Variants in PRELID2 observed in about 807,000 individuals in gnomAD.
The protein encoded by PRELID2 is PRELI domain-containing protein 2.
A neutral mutation model predicts 28.4 loss-of-function variants in PRELID2; 25 were observed. That is an observed-to-expected ratio of 0.88 (90% CI 0.64 to 1.23). PRELID2 has a LOEUF of 1.23. Ranked by LOEUF, PRELID2 falls within the 50% of genes most tolerant of loss-of-function variation. PRELID2 has a pLI of 0.00. For missense variants in PRELID2, 201 were observed against 214.4 expected (o/e 0.94, Z 0.39); for synonymous variants, 76 against 71.6 (o/e 1.06, Z -0.31).
At chr5:145,297,988 G>T in the PRELID2 span, among the ~76,000 whole-genome samples, 2 of 152,100 alleles carry the variant, frequency 1.3e-5, no homozygotes, top group Non-Finnish European at 2.9e-5. Flanking sequence ...ACAAATGGAA[G>T]AACATTCCAT....
Position 145,835,194 on chromosome 5 carries a change from C to A in PRELID2, c.58G>T (p.Ala20Ser). The A allele has an allele frequency of 6.5e-7, 1 of 1,549,524 alleles. No individual in the cohort carries two copies. The highest frequency in any genetic ancestry group is 8.7e-7 in the Non-Finnish European group (1 of 1,145,762). ...VYKYPFEQVV[A>S]SFLRKYPNPM... ...GGCGGTACCTTTCGGAGAAAGCTGG[C>A]GACCACCTGCTCGAAGGGGTACTTG... is the stretch of plus-strand genomic sequence containing the variant. Residue 20 changes from alanine to serine, a missense_variant, in exon 1 of 7, where the codon GCC (alanine) becomes TCC (serine). By Grantham distance (99) the Ala-to-Ser change is moderately conservative. Transcript: ENST00000683046.
the PRELID2 span, among the ~76,000 whole-genome samples, chr5:145,355,881 C>T: frequency 6.6e-6 from 1 of 152,082 alleles, no homozygotes; most frequent in African/African-American, 2.4e-5. Flanking sequence ...CACAAGCCTA[C>T]ATAGTAGGCA....
the PRELID2 span, among the ~76,000 whole-genome samples, chr5:145,297,494 A>C: frequency 6.6e-6 from 1 of 152,072 alleles, no homozygotes; most frequent in Non-Finnish European, 1.5e-5. Context: ...ATCTATGACA[A>C]ACCCACAGCC....
chr5:145,582,483 C>G (rs897549650), intron 1 of PRELID2, among the ~76,000 whole-genome samples: 1 of 151,912 alleles, frequency 6.6e-6, no homozygotes, highest in Non-Finnish European at 1.5e-5. Context: ...CCTACCAGAC[C>G]CCTCCCCCAA....
the PRELID2 span, among the ~76,000 whole-genome samples, chr5:145,299,131 G>A: frequency 6.6e-6 from 1 of 152,016 alleles, no homozygotes; most frequent in Non-Finnish European, 1.5e-5. Flanking sequence ...AACCCATTTT[G>A]TTATACCTGT....
chr5:145,672,394 GT>G lies in PRELID2; in HGVS notation n.70+92536del, dbSNP rs1439427198. Among the ~76,000 whole-genome samples the G allele has an allele frequency of 2.0e-5, 3 of 151,800 alleles. No homozygotes were observed. In the Admixed American group the frequency reaches 2.0e-4, roughly 10 times the overall value. ...TGGGAATCAACAGTCCCCATTACCA[GT>G]GCCGGCATTCGCAAAAAGGATCCCA... is the stretch of plus-strand genomic sequence containing the variant. On this transcript the variant is annotated intron_variant and non_coding_transcript_variant, in intron 1 of 2. Coordinates refer to the PRELID2 transcript ENST00000510259.
At chr5:145,506,161 C>A (rs1752408616) in intron 1 of PRELID2, among the ~76,000 whole-genome samples, 1 of 152,288 alleles carries the variant, frequency 6.6e-6, no homozygotes, top group Admixed American at 6.5e-5. Context: ...TATTGACCCA[C>A]AAGAGCCTGT....
At chr5:145,626,766 A>C (rs1753851310) in intron 1 of PRELID2, among the ~76,000 whole-genome samples, 1 of 152,190 alleles carries the variant, frequency 6.6e-6, no homozygotes, top group African/African-American at 2.4e-5. Flanking sequence ...AAGTCATGGA[A>C]TCAACCTAAG....
the PRELID2 span, among the ~76,000 whole-genome samples, chr5:145,332,467 T>G: frequency 6.6e-6 from 1 of 152,168 alleles, no homozygotes; most frequent in Non-Finnish European, 1.5e-5. Context: ...GTTCATTCCT[T>G]TTTATTCTTT....
the PRELID2 span, among the ~76,000 whole-genome samples, chr5:145,309,016 C>A: frequency 6.6e-6 from 1 of 152,122 alleles, no homozygotes; most frequent in Non-Finnish European, 1.5e-5. Flanking sequence ...AGTCTGAGGT[C>A]TCTTTTGTAT....
rs778046875 is a variant in PRELID2, at chr5:145,759,542, T to C, written c.*994A>G. ...ACTAGGCAGTGTGCTAGGTACTTCA[T>C]AGGCATGATCTCAAATCAGTCCAAC... is the stretch of plus-strand genomic sequence containing the variant. On this transcript the variant is annotated 3_prime_UTR_variant, in exon 7 of 7. Transcript: ENST00000683046. The C allele has an allele frequency of 6.6e-5, 10 of 152,210 alleles. No individual in the cohort carries two copies. The highest frequency in any genetic ancestry group is 2.0e-4 in the Admixed American group (3 of 15,268). 9.4% of individuals were successfully genotyped at this position (152,210 alleles called of 1,614,324 possible).
chr5:145,782,165 C>T (rs550506977), intron 5 of PRELID2, among the ~76,000 whole-genome samples: 1 of 152,212 alleles, frequency 6.6e-6, no homozygotes, highest in East Asian at 1.9e-4. Flanking sequence ...GTATCTACTT[C>T]AAAGTCATAT....
intron 1 of PRELID2, among the ~76,000 whole-genome samples, chr5:145,515,829 G>T (rs13176790): frequency 0.21 from 32,351 of 152,086 alleles, 3,955 homozygotes; most frequent in South Asian, 0.37. Flanking sequence ...CGCAAGCCTG[G>T]TTCAGCATAC....
chr5:145,281,539 T>G, the PRELID2 span, among the ~76,000 whole-genome samples: 2 of 152,190 alleles, frequency 1.3e-5, no homozygotes, highest in Non-Finnish European at 2.9e-5. Context: ...GGGTTAAAAC[T>G]GGCAGCTTAT....
intron 5 of PRELID2, among the ~76,000 whole-genome samples, chr5:145,781,963 G>A (rs1441760901): frequency 6.6e-6 from 1 of 151,944 alleles, no homozygotes; most frequent in Non-Finnish European, 1.5e-5. Flanking sequence ...GCACAAAAGA[G>A]TGAGAGAAGA....
intron 1 of PRELID2, among the ~76,000 whole-genome samples, chr5:145,719,159 C>A (rs866973215): frequency 1.3e-5 from 2 of 151,884 alleles, no homozygotes; most frequent in African/African-American, 2.4e-5. Flanking sequence ...AACACTAGCT[C>A]CCCCTGAAGG....
chr5:145,484,236 T>C (rs1389564712), intron 1 of PRELID2, among the ~76,000 whole-genome samples: 1 of 152,124 alleles, frequency 6.6e-6, no homozygotes, highest in Non-Finnish European at 1.5e-5. Context: ...TTTGAACATA[T>C]GGAGACTATG....
chr5:145,412,371 A>G, the PRELID2 span, among the ~76,000 whole-genome samples: 1 of 152,186 alleles, frequency 6.6e-6, no homozygotes, highest in Non-Finnish European at 1.5e-5. Flanking sequence ...TCTCTACGGC[A>G]GGGGCAAAAT....
chr5:145,480,538 C>T (rs1367862232), intron 1 of PRELID2, among the ~76,000 whole-genome samples: 1 of 151,994 alleles, frequency 6.6e-6, no homozygotes, highest in Admixed American at 6.6e-5. Context: ...TGTAAAATTA[C>T]AGTTAAATTA....
Sources: allele counts gnomAD v4.1 joint callset (sites outside exome capture counted in the v4.1 genomes callset), GRCh38; gene constraint gnomAD v4.1.1; transcripts MANE v1.5; gene names NCBI Gene and HGNC (gene_info 2026-07-23, HGNC 2026-07-21).